Variants in MARCHF1 observed in about 807,000 individuals in gnomAD.
MARCHF1 encodes the protein E3 ubiquitin-protein ligase MARCHF1.
MARCHF1 carries 40 observed loss-of-function variants against 54.2 expected under a neutral mutation model. That is an observed-to-expected ratio of 0.74 (90% CI 0.57 to 0.96). MARCHF1 has a LOEUF of 0.96. Among genes scored for constraint, MARCHF1 ranks in the 40% least tolerant of loss-of-function variants. MARCHF1 has a pLI of 0.00. For synonymous variants in MARCHF1, 236 were observed against 236.3 expected, an observed-to-expected ratio of 1.00 and a Z score of 0.01; for missense variants, 586 against 656.5, an observed-to-expected ratio of 0.89 and a Z score of 1.17.
chr4:163,817,463 A>AAC (rs111793655), intron 4 of MARCHF1, among the ~76,000 whole-genome samples: 121,420 of 148,744 alleles, frequency 0.82, 50,896 homozygotes, highest in East Asian at 0.93. Context: ...TTAGGAGAGC[A>AAC]ACACACACAC....
intron 5 of MARCHF1, among the ~76,000 whole-genome samples, chr4:163,693,040 C>A (rs1209837225): frequency 2.0e-5 from 3 of 151,246 alleles, no homozygotes; most frequent in Non-Finnish European, 2.9e-5. Flanking sequence ...GGATATTTTG[C>A]AAAACAGATA....
intron 2 of MARCHF1, among the ~76,000 whole-genome samples, chr4:163,989,574 A>G (rs1401778677): frequency 6.6e-6 from 1 of 152,204 alleles, no homozygotes; most frequent in Non-Finnish European, 1.5e-5. Context: ...CTGTCCTCTC[A>G]AAAGTTATAC....
chr4:164,326,585 T>C (rs1735286526), intron 1 of MARCHF1, among the ~76,000 whole-genome samples: 2 of 152,148 alleles, frequency 1.3e-5, no homozygotes, highest in Non-Finnish European at 2.9e-5. Context: ...ATGAAATCAG[T>C]AATATAGCAA....
At chr4:164,244,055 G>A (rs1467279934) in intron 1 of MARCHF1, among the ~76,000 whole-genome samples, 1 of 152,068 alleles carries the variant, frequency 6.6e-6, no homozygotes, top group Non-Finnish European at 1.5e-5. Context: ...CAACGAGACA[G>A]AAAGTTAACA....
At chr4:163,711,457 C>G (rs916556854) in intron 4 of MARCHF1, among the ~76,000 whole-genome samples, 1 of 152,112 alleles carries the variant, frequency 6.6e-6, no homozygotes, top group Non-Finnish European at 1.5e-5. Context: ...CTGATCTGTG[C>G]CCAGGAGGCA....
intron 4 of MARCHF1, among the ~76,000 whole-genome samples, chr4:163,708,694 G>T (rs975463920): frequency 2.6e-5 from 4 of 152,086 alleles, no homozygotes; most frequent in African/African-American, 4.8e-5. Flanking sequence ...ACATGCAGTA[G>T]TCTATGACTA....
intron 1 of MARCHF1, among the ~76,000 whole-genome samples, chr4:164,259,249 T>G (rs930945023): frequency 6.6e-6 from 1 of 152,026 alleles, no homozygotes; most frequent in Non-Finnish European, 1.5e-5. Context: ...TTCAGAAGTA[T>G]AGCCACAACT....
intron 3 of MARCHF1, among the ~76,000 whole-genome samples, chr4:163,894,595 T>G: frequency 6.8e-6 from 1 of 146,606 alleles, no homozygotes; most frequent in South Asian, 2.1e-4. Flanking sequence ...TATATATATA[T>G]GCATGTGATG....
chr4:164,164,750 G>A (rs1430999), intron 1 of MARCHF1, among the ~76,000 whole-genome samples: 28,991 of 151,884 alleles, frequency 0.19, 4,409 homozygotes, highest in African/African-American at 0.41. Flanking sequence ...GGCTTTGAAC[G>A]CATATGAACA....
chr4:164,339,056 T>C (rs996693104), intron 1 of MARCHF1, among the ~76,000 whole-genome samples: 3 of 152,246 alleles, frequency 2.0e-5, no homozygotes, highest in African/African-American at 7.2e-5. Flanking sequence ...CCCAATATTA[T>C]AGCACCTAAA....
intron 1 of MARCHF1, among the ~76,000 whole-genome samples, chr4:164,312,742 A>AAT (rs148863385): frequency 0.032 from 4,933 of 151,904 alleles, 252 homozygotes; most frequent in African/African-American, 0.11. Context: ...TGTGGAAGGA[A>AAT]ATATATATAT....
At chr4:163,955,027 C>G (rs1024970409) in intron 3 of MARCHF1, among the ~76,000 whole-genome samples, 1 of 151,914 alleles carries the variant, frequency 6.6e-6, no homozygotes, top group Admixed American at 6.6e-5. Context: ...TGTTCCTCTA[C>G]AGTCTGTGAT....
At chr4:163,561,477 AAATACATCTATCACACAAATATATAGCC>A (rs1411090566) in intron 8 of MARCHF1, among the ~76,000 whole-genome samples, 2 of 152,172 alleles carry the variant, frequency 1.3e-5, no homozygotes, top group Admixed American at 6.5e-5. Flanking sequence ...AAGATTTCTG[AAATACATCTATCACACAAATATATAGCC>A]AATACATCTA....
chr4:163,631,672 T>C (rs545369665), intron 5 of MARCHF1, among the ~76,000 whole-genome samples: 1 of 152,094 alleles, frequency 6.6e-6, no homozygotes, highest in East Asian at 1.9e-4. Flanking sequence ...ATACAAACAA[T>C]ACAAGATAAA....
intron 3 of MARCHF1, among the ~76,000 whole-genome samples, chr4:163,952,710 T>C (rs1752157030): frequency 6.6e-6 from 1 of 152,172 alleles, no homozygotes. Flanking sequence ...GTCAATGGTA[T>C]ATGAAAGACA....
At chr4:163,836,031 C>T (rs1749171572) in intron 4 of MARCHF1, among the ~76,000 whole-genome samples, 1 of 151,966 alleles carries the variant, frequency 6.6e-6, no homozygotes, top group African/African-American at 2.4e-5. Context: ...ACAATTCCTC[C>T]CAGCCTAGGC....
At position 164,134,524 on chromosome 4, in the gene MARCHF1, G is replaced by C. The variant is rs560329408; in HGVS notation, c.-322-22862C>G. Among the ~76,000 whole-genome samples the C allele has an allele frequency of 3.1e-3, 475 of 152,214 alleles. 8 individuals carry two copies. The highest frequency in any genetic ancestry group is 1.1e-3 in the Non-Finnish European group (73 of 68,008). ...ATTTAGGTTACTAAGACATTCTTTA[G>C]TGCATGTCTCCTGCTAATTTGAAAC... is the stretch of plus-strand genomic sequence containing the variant. On this transcript the variant is annotated intron_variant, in intron 1 of 9. Coordinates refer to ENST00000514618, the MANE Select transcript of MARCHF1 (RefSeq NM_001394959.1).
intron 9 of MARCHF1, among the ~76,000 whole-genome samples, chr4:163,535,641 G>T (rs760774605): frequency 4.9e-4 from 75 of 152,174 alleles, no homozygotes; most frequent in Non-Finnish European, 8.8e-4. Flanking sequence ...GGACGCCTGT[G>T]TCCATTTTTC....
At chr4:164,189,833 T>C in intron 1 of MARCHF1, 1 of 1,595,078 alleles carries the variant, frequency 6.3e-7, no homozygotes, top group Admixed American at 1.7e-5. Flanking sequence ...TGACTGGAAT[T>C]CCTCCTGCTC....
Sources: gnomAD v4.1 joint callset for allele counts (sites outside exome capture counted in the v4.1 genomes callset) on GRCh38, gnomAD v4.1.1 for gene constraint, MANE v1.5 for transcripts, NCBI Gene and HGNC (gene_info 2026-07-23, HGNC 2026-07-21) for gene names.